The following TLN2 variants were observed in gnomAD, a reference collection of about 807,000 sequenced individuals.
The protein encoded by TLN2 is talin 2, also known as talin-2.
TLN2 carries 118 observed loss-of-function variants against 294.7 expected under a neutral mutation model. The observed-to-expected ratio is 0.40, with a 90% CI of 0.34 to 0.47. The LOEUF is 0.47. TLN2 is among the 20% of genes least tolerant of loss of function. TLN2 has a pLI of 0.84. For missense variants in TLN2, 3,083 were observed against 3,282.2 expected, an observed-to-expected ratio of 0.94 and a Z score of 1.48; for synonymous variants, 1,431 against 1,304.5, an observed-to-expected ratio of 1.10 and a Z score of -2.09.
At chr15:62,500,302 C>T (rs1474204378) in intron 1 of TLN2, among the ~76,000 whole-genome samples, 1 of 152,176 alleles carries the variant, frequency 6.6e-6, no homozygotes, top group Non-Finnish European at 1.5e-5. Flanking sequence ...TGCACCATTG[C>T]TCTCCAGCCT....
intron 1 of TLN2, among the ~76,000 whole-genome samples, chr15:62,541,527 C>T (rs1177055425): frequency 6.6e-6 from 1 of 152,162 alleles, no homozygotes; most frequent in Non-Finnish European, 1.5e-5. Flanking sequence ...GGAACCACCC[C>T]TTCCAGCTCC....
At chr15:62,595,022 C>T (rs1272391262) in intron 2 of TLN2, among the ~76,000 whole-genome samples, 1 of 152,022 alleles carries the variant, frequency 6.6e-6, no homozygotes, top group Non-Finnish European at 1.5e-5. Flanking sequence ...CACAAATGGC[C>T]AACAAGTATA....
chr15:62,518,556 C>A (rs1175866512), intron 1 of TLN2, among the ~76,000 whole-genome samples: 2 of 151,748 alleles, frequency 1.3e-5, no homozygotes, highest in Non-Finnish European at 2.9e-5. Context: ...CTAGAACATG[C>A]AAAATATGGT....
rs116194771 is a variant in TLN2 at position 62,701,592 on chromosome 15, C to A, written c.1696+378C>A. Among the ~76,000 whole-genome samples, 324 of 152,284 alleles carry A rather than the reference C, an allele frequency of 2.1e-3. 2 individuals carry two copies. Among genetic ancestry groups the A allele is most frequent in the African/African-American group, 7.6e-3 (315 of 41,558 alleles). On this transcript the variant is annotated intron_variant, in intron 17 of 58. Coordinates refer to ENST00000636159, the MANE Select transcript of TLN2 (RefSeq NM_015059.3). ...ATGTGCCTTTGCCCATGTTGTCCAG[C>A]AGTGGTCTCTTCTGGCACAGTGTGG...
chr15:62,704,464 G>A (rs558414844), intron 19 of TLN2, among the ~76,000 whole-genome samples: 96 of 152,308 alleles, frequency 6.3e-4, no homozygotes, highest in African/African-American at 2.2e-3. Flanking sequence ...CATAAGATGT[G>A]TTAGTTAAAC....
At chr15:62,434,299 C>T (rs1269658711) in intron 1 of TLN2, among the ~76,000 whole-genome samples, 3 of 152,068 alleles carry the variant, frequency 2.0e-5, no homozygotes, top group African/African-American at 7.2e-5. Flanking sequence ...ACTTAAGCAT[C>T]TTACTTAAAA....
chr15:62,818,247 C>T (rs569650595), intron 52 of TLN2, among the ~76,000 whole-genome samples: 1 of 152,162 alleles, frequency 6.6e-6, no homozygotes, highest in Non-Finnish European at 1.5e-5. Context: ...ATGCTTTGTC[C>T]CCTACTCAGA....
intron 1 of TLN2, among the ~76,000 whole-genome samples, chr15:62,449,833 G>T (rs551522868): frequency 1.2e-4 from 18 of 152,242 alleles, no homozygotes; most frequent in African/African-American, 4.3e-4. Flanking sequence ...AGAGAAAGTT[G>T]GCAGGTAGCC....
At chr15:62,555,837 T>A (rs1191858414) in intron 1 of TLN2, among the ~76,000 whole-genome samples, 2 of 152,192 alleles carry the variant, frequency 1.3e-5, no homozygotes, top group African/African-American at 4.8e-5. Flanking sequence ...AGAATATGTC[T>A]ATTTTCATAA....
chr15:62,485,764 T>C (rs2038356811), intron 1 of TLN2, among the ~76,000 whole-genome samples: 1 of 152,156 alleles, frequency 6.6e-6, no homozygotes, highest in Admixed American at 6.5e-5. Flanking sequence ...GCTCAATCTG[T>C]GTGTCTGTCT....
At chr15:62,799,285 T>C (rs2065760171) in intron 48 of TLN2, among the ~76,000 whole-genome samples, 1 of 152,124 alleles carries the variant, frequency 6.6e-6, no homozygotes, top group African/African-American at 2.4e-5. Flanking sequence ...AGATAATGTG[T>C]GTAGAGTGCT....
At chr15:62,450,987 T>C (rs1315536437) in intron 1 of TLN2, among the ~76,000 whole-genome samples, 2 of 151,970 alleles carry the variant, frequency 1.3e-5, no homozygotes, top group African/African-American at 4.8e-5. Flanking sequence ...TTTTTTTTTT[T>C]TTGGTAGAGA....
At chr15:62,452,315 T>A (rs2036204826) in intron 1 of TLN2, among the ~76,000 whole-genome samples, 1 of 152,210 alleles carries the variant, frequency 6.6e-6, no homozygotes, top group African/African-American at 2.4e-5. Flanking sequence ...TTTGATTTCC[T>A]TTTGCATTGT....
chr15:62,775,662 C>T lies in TLN2; in HGVS notation c.5368-1102C>T, dbSNP rs142176065. Among the ~76,000 whole-genome samples, 230 of 152,348 alleles carry T rather than the reference C, an allele frequency of 1.5e-3. 1 individual carries two copies. Among genetic ancestry groups the T allele is most frequent in the African/African-American group, 5.5e-3 (229 of 41,584 alleles). ...TATTTAGAAAATCACCCAACGAGTT[C>T]TCGTTTACTGCTTTCCACTGGCTTC... is the stretch of plus-strand genomic sequence containing the variant. On this transcript the variant is annotated intron_variant, in intron 42 of 58. Coordinates refer to ENST00000636159, the MANE Select transcript of TLN2 (RefSeq NM_015059.3).
At chr15:62,795,978 T>G (rs545404770) in intron 46 of TLN2, 149 bp from the exon 47 acceptor site, 1 of 1,019,788 alleles carries the variant, frequency 9.8e-7, no homozygotes, top group East Asian at 2.7e-5. Context: ...AAAGCTGGTA[T>G]CCAGACTGAG....
intron 27 of TLN2, 138 bp downstream of exon 27, chr15:62,725,242 C>A: frequency 7.7e-7 from 1 of 1,293,532 alleles, no homozygotes; most frequent in Non-Finnish European, 1.0e-6. Flanking sequence ...GAAAAGAATG[C>A]CCAGGGCAGC....
chr15:62,667,397 C>T (rs1018432422), intron 9 of TLN2, among the ~76,000 whole-genome samples: 1 of 152,276 alleles, frequency 6.6e-6, no homozygotes, highest in South Asian at 2.1e-4. Context: ...CAGTTGGAGT[C>T]AGGATCCTGG....
intron 1 of TLN2, among the ~76,000 whole-genome samples, chr15:62,564,271 A>C (rs2043207689): frequency 6.6e-6 from 1 of 152,184 alleles, no homozygotes; most frequent in Non-Finnish European, 1.5e-5. Context: ...CTCCCCAAGC[A>C]AGACAGAGTC....
chr15:62,827,218 C>G lies in TLN2; in HGVS notation c.7003-6286C>G, dbSNP rs143543545. Among the ~76,000 whole-genome samples, 504 of 152,278 alleles carry G rather than the reference C, an allele frequency of 3.3e-3. 2 individuals are homozygous for G. The highest frequency in any genetic ancestry group is 0.011 in the African/African-American group (473 of 41,546). On this transcript the variant is annotated intron_variant, in intron 54 of 58. Transcript: ENST00000636159. ...AAGAAAAAGACCATGGGAGGACATT[C>G]TCTTCCCCTGCCCAACACTTGCCCA...
Sources: gnomAD v4.1 joint callset for allele counts (sites outside exome capture counted in the v4.1 genomes callset) on GRCh38, gnomAD v4.1.1 for gene constraint, MANE v1.5 for transcripts, NCBI Gene and HGNC (gene_info 2026-07-23, HGNC 2026-07-21) for gene names.